SACM1L: variants seen among roughly 807,000 people sequenced by gnomAD.
SACM1L encodes phosphatidylinositol-3-phosphatase SAC1.
SACM1L carries 32 observed loss-of-function variants against 89.5 expected under a neutral mutation model. That is an observed-to-expected ratio of 0.36 (90% CI 0.27 to 0.48). The LOEUF (loss-of-function observed/expected upper bound fraction) is 0.48, where lower values mean the gene tolerates loss of function less well. Ranked by LOEUF, SACM1L falls within the 20% of genes least tolerant of loss-of-function variation. The pLI, the probability that SACM1L is intolerant of heterozygous loss-of-function variation, is 0.99. For missense variants in SACM1L, 543 were observed against 708.5 expected (o/e 0.77, Z 2.65); for synonymous variants, 213 against 232.8 (o/e 0.92, Z 0.77).
chr3:45,722,518 CA>C (rs1698811274), intron 9 of SACM1L, among the ~76,000 whole-genome samples: 1 of 152,154 alleles, frequency 6.6e-6, no homozygotes, highest in Non-Finnish European at 1.5e-5. Flanking sequence ...TGTTCATAAA[CA>C]TATTCATTTG....
intron 11 of SACM1L, among the ~76,000 whole-genome samples, chr3:45,729,708 C>T (rs2673066): frequency 0.63 from 95,349 of 151,702 alleles, 30,373 homozygotes; most frequent in Non-Finnish European, 0.66. Context: ...AGTCTCCTCT[C>T]TCTTGCTGCT....
intron 14 of SACM1L, chr3:45,737,275 G>T (rs1699222474): frequency 6.3e-6 from 2 of 318,346 alleles, no homozygotes; most frequent in African/African-American, 4.4e-5. Context: ...GAGGGAGGAA[G>T]TAGCGGCTGG....
At chr3:45,698,307 C>A (rs185794956) in intron 1 of SACM1L, among the ~76,000 whole-genome samples, 1 of 152,280 alleles carries the variant, frequency 6.6e-6, no homozygotes, top group Admixed American at 6.5e-5. Flanking sequence ...TGAGTCATTA[C>A]TTCTAATGAG....
rs562809362 is a variant in SACM1L at position 45,705,446 on chromosome 3, A to G, written c.205+237A>G. ...TTGTATTTTGTTGTGTTTCAGTTAG[A>G]GTTGAAATCCTTAGCTAGATAATTT... On this transcript the variant is annotated intron_variant, in intron 3 of 19. Coordinates refer to ENST00000389061, the MANE Select transcript of SACM1L (RefSeq NM_014016.5). Among the ~76,000 whole-genome samples, 2 of 151,652 alleles carry G rather than the reference A, an allele frequency of 1.3e-5. 1 individual carries two copies. Among genetic ancestry groups the G allele is most frequent in the South Asian group, 4.2e-4 (2 of 4,806 alleles).
chr3:45,733,378 C>T (rs927434668), intron 13 of SACM1L, among the ~76,000 whole-genome samples: 11 of 152,096 alleles, frequency 7.2e-5, no homozygotes, highest in Admixed American at 2.0e-4. Context: ...CTTCAGACTT[C>T]GGTTTCTTCA....
At chr3:45,711,577 G>T (rs976455175) in intron 5 of SACM1L, among the ~76,000 whole-genome samples, 2 of 151,638 alleles carry the variant, frequency 1.3e-5, no homozygotes, top group Admixed American at 6.6e-5. Flanking sequence ...CTGTCATCAC[G>T]CCACTGCACT....
At chr3:45,697,742 A>G (rs1351452116) in intron 1 of SACM1L, among the ~76,000 whole-genome samples, 3 of 152,106 alleles carry the variant, frequency 2.0e-5, no homozygotes, top group African/African-American at 7.2e-5. Flanking sequence ...CTGGGTAGGT[A>G]TGGGATCCCC....
intron 1 of SACM1L, among the ~76,000 whole-genome samples, chr3:45,694,049 G>T (rs1698065487): frequency 6.6e-6 from 1 of 152,198 alleles, no homozygotes; most frequent in African/African-American, 2.4e-5. Flanking sequence ...GCAGGGAAAT[G>T]ACATCAAATG....
intron 10 of SACM1L, 47 bp downstream of exon 10, chr3:45,723,002 A>C: frequency 7.4e-7 from 1 of 1,346,860 alleles, no homozygotes; most frequent in Non-Finnish European, 1.1e-6. Context: ...TAGAAGCTTA[A>C]TAGCATTATA....
intron 11 of SACM1L, 53 bp downstream of exon 11, chr3:45,723,596 C>G: frequency 1.0e-6 from 1 of 985,630 alleles, no homozygotes; most frequent in East Asian, 2.9e-5. Context: ...TTTTTCTTGA[C>G]AGAAAATTTA....
At chr3:45,715,040 C>A (rs1698617880) in intron 7 of SACM1L, among the ~76,000 whole-genome samples, 1 of 152,200 alleles carries the variant, frequency 6.6e-6, no homozygotes, top group African/African-American at 2.4e-5. Flanking sequence ...AGTACAGTAA[C>A]ATGCTATACA....
intron 11 of SACM1L, among the ~76,000 whole-genome samples, chr3:45,730,122 A>G (rs1418469504): frequency 6.6e-6 from 1 of 152,134 alleles, no homozygotes; most frequent in African/African-American, 2.4e-5. Flanking sequence ...GTCTTTGTCT[A>G]ATAAGCCAAG....
At chr3:45,741,252 A>C (rs937469923) in intron 19 of SACM1L, among the ~76,000 whole-genome samples, 1 of 152,066 alleles carries the variant, frequency 6.6e-6, no homozygotes, top group Non-Finnish European at 1.5e-5. Flanking sequence ...TCTCTCCCAC[A>C]CAGAAGTCTT....
At chr3:45,723,072 A>G (rs574598717) in intron 10 of SACM1L, 117 bp downstream of exon 10, 129 of 866,088 alleles carry the variant, frequency 1.5e-4, no homozygotes, top group Middle Eastern at 2.2e-4. Context: ...CTTTGAGGCT[A>G]TTCTTCTTGG....
At chr3:45,704,747 A>G (rs1193596036) in intron 2 of SACM1L, among the ~76,000 whole-genome samples, 1 of 152,208 alleles carries the variant, frequency 6.6e-6, no homozygotes, top group East Asian at 1.9e-4. Context: ...AAAGATGATG[A>G]TGCCAAACAG....
chr3:45,733,039 ACCT>A (rs1386859278), intron 13 of SACM1L, among the ~76,000 whole-genome samples: 3 of 152,154 alleles, frequency 2.0e-5, no homozygotes, highest in African/African-American at 4.8e-5. Context: ...AGGGAAATTG[ACCT>A]CCTGTTGTTG....
intron 18 of SACM1L, 103 bp downstream of exon 18, chr3:45,738,976 C>T: frequency 1.4e-6 from 1 of 700,852 alleles, no homozygotes; most frequent in Non-Finnish European, 2.4e-6. Flanking sequence ...TTTTATATTT[C>T]ATTACATGAA....
chr3:45,736,681 G>A (rs895279376), intron 14 of SACM1L, among the ~76,000 whole-genome samples: 4 of 152,162 alleles, frequency 2.6e-5, no homozygotes, highest in African/African-American at 9.7e-5. Context: ...TTCCATGGCT[G>A]ATTAACCAAA....
At chr3:45,698,217 TGAGAG>T (rs370872888) in intron 1 of SACM1L, among the ~76,000 whole-genome samples, 12 of 152,148 alleles carry the variant, frequency 7.9e-5, no homozygotes, top group African/African-American at 2.9e-4. Context: ...TGGTGGGAAA[TGAGAG>T]GAAGAGAACA....
Sources: gnomAD v4.1 joint callset for allele counts (sites outside exome capture counted in the v4.1 genomes callset) on GRCh38, gnomAD v4.1.1 for gene constraint, MANE v1.5 for transcripts, NCBI Gene and HGNC (gene_info 2026-07-23, HGNC 2026-07-21) for gene names.